SMG1: variants seen among roughly 807,000 people sequenced by gnomAD.
SMG1 encodes SMG1 nonsense mediated mRNA decay associated PI3K related kinase, also known as serine/threonine-protein kinase SMG1.
A neutral mutation model predicts 419.9 loss-of-function variants in SMG1; 22 were observed. The ratio of observed to expected loss-of-function variants is 0.05; its 90% CI spans 0.04 to 0.07. The LOEUF (loss-of-function observed/expected upper bound fraction) is 0.07, where lower values mean the gene tolerates loss of function less well. Among genes scored for constraint, SMG1 ranks in the 10% least tolerant of loss-of-function variants. The probability of loss-of-function intolerance (pLI) is 1.00; values close to 1 mark genes in which losing one functional copy is unlikely to be tolerated. For missense variants in SMG1, 3,185 were observed against 4,342.0 expected (o/e 0.73, Z 7.49); for synonymous variants, 1,538 against 1,553.5 (o/e 0.99, Z 0.23).
chr16:18,832,037 G>A (rs2033220682), intron 51 of SMG1, among the ~76,000 whole-genome samples: 1 of 151,946 alleles, frequency 6.6e-6, no homozygotes, highest in African/African-American at 2.4e-5. Context: ...AAATAACTAG[G>A]GTAGTAAATT....
At chr16:18,879,068 T>C in intron 11 of SMG1, 1 of 259,400 alleles carries the variant, frequency 3.9e-6, no homozygotes, top group Non-Finnish European at 7.5e-6. Flanking sequence ...GCACAGATTA[T>C]AACTGATGAA....
intron 31 of SMG1, 70 bp from the exon 32 acceptor site, chr16:18,852,532 G>C: frequency 2.3e-6 from 3 of 1,289,472 alleles, no homozygotes; most frequent in Non-Finnish European, 3.0e-6. Context: ...AATTCCTAAC[G>C]ACATTTCCAT....
rs1442963351 is a variant in SMG1, at chr16:18,817,319, T to G, written c.10046A>C (p.Glu3349Ala). ...TCTCTGTAATAAACGAAGCTCTAACTCAGACACTGAACTGTTAAACTGTGA... is the reference window on the plus strand; with the variant it reads ...TCTCTGTAATAAACGAAGCTCTAACGCAGACACTGAACTGTTAAACTGTGA... ...FASQFNSSVS[E>A]LELRLLQRVD... The change falls in exon 57 of 63, where the codon GAG becomes GCG. Residue 3349 changes from glutamate to alanine, a missense_variant. By Grantham distance (107) the Glu-to-Ala change is moderately radical (BLOSUM62 -1). Around this residue, in one of 27 missense-constraint regions of SMG1, gnomAD observed 737 missense variants for 846.6 expected, o/e 0.87. Coordinates refer to ENST00000446231, the MANE Select transcript of SMG1 (RefSeq NM_015092.5). 8.7e-6 allele frequency: 14 copies of G among 1,612,398 alleles called. No homozygotes were observed. The highest frequency in any genetic ancestry group is 1.0e-5 in the Non-Finnish European group (12 of 1,179,336).
At chr16:18,814,818 T>C (rs1250194723) in intron 60 of SMG1, among the ~76,000 whole-genome samples, 1 of 151,162 alleles carries the variant, frequency 6.6e-6, no homozygotes, top group Non-Finnish European at 1.5e-5. Context: ...CCTTAGGTGA[T>C]CCACCTGGCT....
In SMG1 at chr16:18,896,708, A is replaced by G. The variant is rs551455366; in HGVS notation, c.256+85T>C. On this transcript the variant is annotated intron_variant, in intron 2 of 62. Transcript: ENST00000446231. ...TATTTTAAATATATTAGAAGAAAGCAAGAAAGTTGGGGGTATAAGAAGGCA... is the reference window on the plus strand; with the variant it reads ...TATTTTAAATATATTAGAAGAAAGCGAGAAAGTTGGGGGTATAAGAAGGCA... 392 of 956,238 alleles carry G rather than the reference A, an allele frequency of 4.1e-4. 2 individuals are homozygous for G. Among genetic ancestry groups the G allele is most frequent in the South Asian group, 3.7e-3 (242 of 66,150 alleles). 59.2% of individuals were successfully genotyped at this position (956,238 alleles called of 1,614,324 possible).
In SMG1 at chr16:18,864,254, G is replaced by C. The variant is rs2035376269; in HGVS notation, c.3351-110C>G. ...CTTCTTGCCCAGGCTGGAGTGCAAT[G>C]GCACTGTCTCAGCTCAATGCAACCT... On this transcript the variant is annotated intron_variant, in intron 23 of 62. Transcript: ENST00000446231. 7.3e-6 allele frequency: 7 copies of C among 953,420 alleles called. No individual in the cohort carries two copies. The Admixed American group carries it at 2.3e-4, about 32-fold the overall frequency. The allele number at this position is 953,420 out of a possible 1,614,324, so 59.1% of individuals were successfully genotyped here.
intron 39 of SMG1, 147 bp from the exon 40 acceptor site, chr16:18,842,601 G>C (rs1047830682): frequency 2.8e-6 from 2 of 706,908 alleles, no homozygotes; most frequent in African/African-American, 3.6e-5. Flanking sequence ...GAGGTAGGCA[G>C]ATCACTTGAG....
rs919959990 is a variant in SMG1, at chr16:18,859,112, T to C, written c.4023A>G (p.Thr1341=). 21 of 1,530,334 alleles carry C rather than the reference T, an allele frequency of 1.4e-5. No homozygotes were observed. The highest frequency in any genetic ancestry group is 1.4e-4 in the African/African-American group (10 of 73,174). The allele number at this position is 1,530,334 out of a possible 1,614,324, so 94.8% of individuals were successfully genotyped here. Residue 1341 remains threonine, a synonymous_variant, in exon 28 of 63, where the codon ACA becomes ACG. Coordinates refer to ENST00000446231, the MANE Select transcript of SMG1 (RefSeq NM_015092.5). ...AIGPLRLSTL[T]VSQSLPVLST... ...TTAGAACTGGCAAAGACTGTGAAAC[T>C]GTTAAAGTAGAAAGTCTCAGAGGTC...
At chr16:18,885,990 T>C (rs1370014453) in intron 6 of SMG1, among the ~76,000 whole-genome samples, 1 of 152,014 alleles carries the variant, frequency 6.6e-6, no homozygotes, top group Non-Finnish European at 1.5e-5. Context: ...ATTGAAAATA[T>C]TTCACTCCAC....
At chr16:18,863,223 A>G (rs1486893370) in intron 25 of SMG1, among the ~76,000 whole-genome samples, 1 of 152,238 alleles carries the variant, frequency 6.6e-6, no homozygotes, top group Non-Finnish European at 1.5e-5. Context: ...TTACAGAATA[A>G]AAGCACAGAG....
chr16:18,926,033 G>A lies in SMG1; in HGVS notation c.9C>T (p.Arg3=). 7 of 1,573,842 alleles carry A rather than the reference G, an allele frequency of 4.4e-6. No individual in the cohort carries two copies. Among genetic ancestry groups the A allele is most frequent in the Non-Finnish European group, 6.0e-6 (7 of 1,168,286 alleles). ...TGCTCAGCCGAGACCCCGGGGCTCT[G>A]CGGCTCATTACCTTCCCCGACACGA... The part of the protein sequence containing the change: MS[R]RAPGSRLSSG... The change falls in exon 1 of 63, where the codon CGC becomes CGT. Residue 3 remains arginine, a synonymous_variant. Transcript: ENST00000446231.
chr16:18,926,171 G>GAGGAGGAGGAGA lies in SMG1; in HGVS notation c.-142_-131dup. On this transcript the variant is annotated 5_prime_UTR_variant, in exon 1 of 63. Coordinates refer to ENST00000446231, the MANE Select transcript of SMG1 (RefSeq NM_015092.5). ...GGAAGCCGAGAAGGAGGAGGAGGAG[G>GAGGAGGAGGAGA]AGGAGGAGGAGAAGGAGGAGGCGGC... 1.3e-6 allele frequency: 1 copy of GAGGAGGAGGAGA among 763,464 alleles called. No individual in the cohort carries two copies. The highest frequency in any genetic ancestry group is 1.9e-5 in the South Asian group (1 of 52,276). The allele number at this position is 763,464 out of a possible 1,614,324, so 47.3% of individuals were successfully genotyped here. A position where few individuals can be genotyped will look rare whatever the true frequency, so the allele number is the denominator to read the frequency against.
In SMG1 at chr16:18,893,712, A is replaced by C. The variant is rs192092322; in HGVS notation, c.413-1358T>G. 7.9e-5 allele frequency among the ~76,000 whole-genome samples: 12 copies of C among 152,238 alleles called. No individual in the cohort carries two copies. In the East Asian group the frequency reaches 2.3e-3, roughly 29 times the overall value. ...CCAATACATACGTAAACAACAAATC[A>C]CAAAGGGTCTGACAGTTTCATTTCT... On this transcript the variant is annotated intron_variant, in intron 3 of 62. Transcript: ENST00000446231.
chr16:18,837,526 C>T (rs1344314550), intron 45 of SMG1, 83 bp from the exon 46 acceptor site: 25 of 1,220,498 alleles, frequency 2.0e-5, no homozygotes, highest in Non-Finnish European at 5.7e-6. Flanking sequence ...TTTTGCACAT[C>T]CTACTTAAAT....
At position 18,836,546 on chromosome 16, in the gene SMG1, C is replaced by A; in HGVS notation, c.7605-14G>T. ...TGCTCAGAATACCTAATCAGGGGGACACAAACAAAATCAAAAGATTTATTG... is the reference window on the plus strand; with the variant it reads ...TGCTCAGAATACCTAATCAGGGGGAAACAAACAAAATCAAAAGATTTATTG... On this transcript the variant is annotated splice_polypyrimidine_tract_variant and intron_variant, in intron 46 of 62. Coordinates refer to ENST00000446231, the MANE Select transcript of SMG1 (RefSeq NM_015092.5). The A allele has an allele frequency of 6.2e-7, 1 of 1,610,860 alleles. No homozygotes were observed. Among genetic ancestry groups the A allele is most frequent in the Non-Finnish European group, 8.5e-7 (1 of 1,178,730 alleles).
In SMG1 at chr16:18,841,800, A is replaced by C. The variant is rs1360704694; in HGVS notation, c.6467-6T>G. The C allele has an allele frequency of 1.9e-6, 3 of 1,611,234 alleles. No individual in the cohort carries two copies. The highest frequency in any genetic ancestry group is 1.3e-5 in the African/African-American group (1 of 74,886). ...CAGATGTAAATCCTCCAGTCCTATG[A>C]AAACAAAATTAAAATAGCTAGGATA... is the stretch of plus-strand genomic sequence containing the variant. On this transcript the variant is annotated splice_polypyrimidine_tract_variant and splice_region_variant and intron_variant, in intron 40 of 62. Transcript: ENST00000446231.
intron 1 of SMG1, among the ~76,000 whole-genome samples, chr16:18,903,089 G>T (rs1200593359): frequency 3.9e-5 from 6 of 152,046 alleles, no homozygotes; most frequent in Admixed American, 3.9e-4. Context: ...CCTCCGAAAG[G>T]GTTGGGATTA....
At chr16:18,908,049 T>C (rs1596644109) in intron 1 of SMG1, among the ~76,000 whole-genome samples, 1 of 151,826 alleles carries the variant, frequency 6.6e-6, no homozygotes, top group African/African-American at 2.4e-5. Context: ...TACAAAGATA[T>C]GCATCCCTCC....
chr16:18,886,567 A>G (rs1425341426), intron 6 of SMG1, among the ~76,000 whole-genome samples: 6 of 152,146 alleles, frequency 3.9e-5, no homozygotes, highest in Non-Finnish European at 8.8e-5. Flanking sequence ...CTTTGGGAGG[A>G]CGAGGCAGGT....
Sources: allele counts gnomAD v4.1 joint callset (sites outside exome capture counted in the v4.1 genomes callset), GRCh38; gene constraint gnomAD v4.1.1; regional missense constraint gnomAD v4.1.1; transcripts MANE v1.5; gene names NCBI Gene and HGNC (gene_info 2026-07-23, HGNC 2026-07-21).